Variants in GFM2 observed in about 807,000 individuals in gnomAD.
GFM2 encodes GTP dependent ribosome recycling factor mitochondrial 2, also known as ribosome-releasing factor 2, mitochondrial.
Under a neutral mutation model 95.4 loss-of-function variants are expected in GFM2, and 72 were observed. The ratio of observed to expected loss-of-function variants is 0.76; its 90% CI spans 0.62 to 0.92. The LOEUF is 0.92. Ranked by LOEUF, GFM2 falls within the 40% of genes least tolerant of loss-of-function variation. The pLI is 0.00. For missense variants in GFM2, 825 were observed against 924.1 expected, an observed-to-expected ratio of 0.89 and a Z score of 1.39; for synonymous variants, 276 against 317.5, an observed-to-expected ratio of 0.87 and a Z score of 1.39.
chr5:74,729,725 T>G (rs536602776), intron 17 of GFM2, among the ~76,000 whole-genome samples: 83 of 151,970 alleles, frequency 5.5e-4, no homozygotes, highest in Non-Finnish European at 9.6e-4. Flanking sequence ...TTTCCACACT[T>G]TCTTCTTGGG....
At chr5:74,738,470 A>G in intron 13 of GFM2, 32 bp downstream of exon 13, 2 of 1,610,102 alleles carry the variant, frequency 1.2e-6, no homozygotes, top group Non-Finnish European at 8.5e-7. Flanking sequence ...AAGTGCATAC[A>G]GTTTTATAAA....
Position 74,722,428 on chromosome 5 carries a change from C to T in GFM2, c.2162G>A (p.Arg721His), listed in dbSNP as rs1037962828. 23 of 1,613,800 alleles carry T rather than the reference C, an allele frequency of 1.4e-5. No homozygotes were observed. The highest frequency in any genetic ancestry group is 3.3e-5 in the South Asian group (3 of 91,082). Residue 721 changes from arginine (R) to histidine (H), a missense_variant, in exon 20 of 21, where the codon CGC (arginine) becomes CAC (histidine). By Grantham distance (29) the Arg-to-His change is conservative. Transcript: ENST00000296805. ...TCCAATAACAACTTTGTTGTCCTGG[C>T]GAGTCTGAATTTCCTGAATGTTTCC... The part of the protein sequence containing the change: ...RRGNIQEIQT[R>H]QDNKVVIGFV...
chr5:74,738,341 C>T lies in GFM2; in HGVS notation c.1297G>A (p.Ala433Thr). 2 of 1,613,234 alleles carry T rather than the reference C, an allele frequency of 1.2e-6. No homozygotes were observed. Among genetic ancestry groups the T allele is most frequent in the Non-Finnish European group, 1.7e-6 (2 of 1,179,450 alleles). Residue 433 changes from alanine (A) to threonine (T), a missense_variant, in exon 14 of 21, where the codon GCT (alanine) becomes ACT (threonine). Physicochemically the swap from Ala to Thr is moderately conservative, Grantham distance 58 (BLOSUM62 0). Transcript: ENST00000296805. ...ACATGTTTAAGCCCAACAGTCAAAGCAATGTTACCAGCAGTCAATGAAGGG... is the reference window on the plus strand; with the variant it reads ...ACATGTTTAAGCCCAACAGTCAAAGTAATGTTACCAGCAGTCAATGAAGGG... ...EIPSLTAGNI[A>T]LTVGLKHTAT...
chr5:74,763,558 A>C, intron 2 of GFM2, 122 bp downstream of exon 2: 1 of 524,820 alleles, frequency 1.9e-6, no homozygotes, highest in Non-Finnish European at 3.5e-6. Flanking sequence ...TAGCTTGAAG[A>C]TTTCCAAAGG....
rs1372929457 is a variant in GFM2, at chr5:74,722,623, C to T, written c.2029-62G>A. ...AATAAAAACTTAAAATAAATACAGC[C>T]TAGAGCTCATACAAAAAGACATAAG... On this transcript the variant is annotated intron_variant, in intron 19 of 20. Coordinates refer to ENST00000296805, the MANE Select transcript of GFM2 (RefSeq NM_032380.5). 3.0e-6 allele frequency: 4 copies of T among 1,347,744 alleles called. No homozygotes were observed. The African/African-American group carries it at 4.5e-5, about 15-fold the overall frequency. The allele number at this position is 1,347,744 out of a possible 1,614,324, so 83.5% of individuals were successfully genotyped here. A position where few individuals can be genotyped will look rare whatever the true frequency, so the allele number is the denominator to read the frequency against.
At position 74,721,327 on chromosome 5, in the gene GFM2, A is replaced by ATCTT. The variant is rs1179702769; in HGVS notation, c.*324_*327dup. The ATCTT allele has an allele frequency of 1.0e-5, 8 of 778,792 alleles. No homozygotes were observed. The highest frequency in any genetic ancestry group is 3.4e-5 in the African/African-American group (2 of 58,448). The allele number at this position is 778,792 out of a possible 1,614,324, so 48.2% of individuals were successfully genotyped here. ...ATCTTATTACATTTAGAGGCCTGGC[A>ATCTT]TCTTTCTTGTGAGACAAGCTTAAGG... On this transcript the variant is annotated 3_prime_UTR_variant, in exon 21 of 21. Transcript: ENST00000296805.
chr5:74,765,690 T>A (rs956854594), intron 1 of GFM2, among the ~76,000 whole-genome samples: 1 of 151,894 alleles, frequency 6.6e-6, no homozygotes, highest in African/African-American at 2.4e-5. Flanking sequence ...CCTTAGAAAA[T>A]GGAGCCTTAA....
intron 1 of GFM2, among the ~76,000 whole-genome samples, chr5:74,766,157 T>G (rs1744586101): frequency 6.6e-6 from 1 of 151,656 alleles, no homozygotes; most frequent in Non-Finnish European, 1.5e-5. Context: ...ACTACAAAAA[T>G]CAGCCAGGCT....
intron 11 of GFM2, among the ~76,000 whole-genome samples, chr5:74,740,864 G>A (rs1371359201): frequency 6.6e-6 from 1 of 152,096 alleles, no homozygotes; most frequent in Non-Finnish European, 1.5e-5. Flanking sequence ...ACTACTAAGT[G>A]AATTTGCTAG....
At position 74,721,478 on chromosome 5, in the gene GFM2, A is replaced by T; in HGVS notation, c.*177T>A. On this transcript the variant is annotated 3_prime_UTR_variant, in exon 21 of 21. Transcript: ENST00000296805. ...CATCAAAGCACATTTCTCATTATAT[A>T]AATTAAAACGGGTGGCTCCAGTGCC... 1 of 739,178 alleles carries T rather than the reference A, an allele frequency of 1.4e-6. No homozygotes were observed. The highest frequency in any genetic ancestry group is 2.3e-6 in the Non-Finnish European group (1 of 433,198). 45.8% of individuals were successfully genotyped at this position (739,178 alleles called of 1,614,324 possible).
In GFM2 at chr5:74,750,435, A is replaced by G. The variant is rs573768758; in HGVS notation, c.519+144T>C. Reference sequence around the variant, plus strand: ...TGAGATTACATGTAGATTACATCTCAATATAAATTCTGATTTCCTTTTACC... The same window carrying G: ...TGAGATTACATGTAGATTACATCTCGATATAAATTCTGATTTCCTTTTACC... On this transcript the variant is annotated intron_variant, in intron 7 of 20. Transcript: ENST00000296805. 9.2e-6 allele frequency: 5 copies of G among 544,970 alleles called. No individual in the cohort carries two copies. The Admixed American group carries it at 1.7e-4, about 18-fold the overall frequency. The allele number at this position is 544,970 out of a possible 1,614,324, so 33.8% of individuals were successfully genotyped here.
chr5:74,740,177 C>T, intron 11 of GFM2, 40 bp from the exon 12 acceptor site: 1 of 1,556,268 alleles, frequency 6.4e-7, no homozygotes, highest in Non-Finnish European at 8.7e-7. Flanking sequence ...ATTTTGTGTA[C>T]TGGTCTTGGC....
chr5:74,754,916 G>C (rs1649537305), intron 5 of GFM2, among the ~76,000 whole-genome samples: 1 of 152,070 alleles, frequency 6.6e-6, no homozygotes, highest in South Asian at 2.1e-4. Flanking sequence ...AGGAGTTCAA[G>C]ACCAGCCTGG....
chr5:74,735,158 A>G (rs967273652), intron 15 of GFM2, among the ~76,000 whole-genome samples: 8 of 152,210 alleles, frequency 5.3e-5, no homozygotes, highest in African/African-American at 1.7e-4. Context: ...ATCCTTTTCC[A>G]CTAGAATAAA....
intron 6 of GFM2, 66 bp downstream of exon 6, chr5:74,751,302 A>T (rs1382824730): frequency 3.2e-5 from 48 of 1,516,484 alleles, no homozygotes; most frequent in Admixed American, 2.2e-4. Flanking sequence ...GCAAAACAAA[A>T]ACCCCAGAAA....
At chr5:74,735,835 A>C (rs1742807130) in intron 15 of GFM2, among the ~76,000 whole-genome samples, 2 of 152,200 alleles carry the variant, frequency 1.3e-5, no homozygotes, top group Admixed American at 6.5e-5. Flanking sequence ...AAGCCAGGCA[A>C]GAAGGCTGTG....
At chr5:74,738,865 AT>A (rs1742973956) in intron 12 of GFM2, among the ~76,000 whole-genome samples, 1 of 152,068 alleles carries the variant, frequency 6.6e-6, no homozygotes, top group East Asian at 1.9e-4. Flanking sequence ...TCTCTTCCAA[AT>A]ATTACTTCTA....
Position 74,767,091 on chromosome 5 carries a change from C to A in GFM2, c.-178G>T. ...AAACGAAAAGAAAATAGGCTTTCTC[C>A]GCTCTACCGCCTCGGGCAGCCACAC... On this transcript the variant is annotated 5_prime_UTR_variant, in exon 1 of 21. Coordinates refer to ENST00000296805, the MANE Select transcript of GFM2 (RefSeq NM_032380.5). 2.2e-6 allele frequency: 1 copy of A among 457,730 alleles called. No individual in the cohort carries two copies. The allele number at this position is 457,730 out of a possible 1,614,324, so 28.4% of individuals were successfully genotyped here.
In GFM2 at chr5:74,759,373, C is replaced by T. The variant is rs1218305948; in HGVS notation, c.202G>A (p.Ala68Thr). Residue 68 changes from alanine to threonine, a missense_variant, in exon 4 of 21, where the codon GCT becomes ACT. Coordinates refer to ENST00000296805, the MANE Select transcript of GFM2 (RefSeq NM_032380.5). ...SLHSIINPPI[A>T]KIRNIGIMAH... ...TGATATAATGATAGTACTTACTTAGCTATGGGAGGATTGATGATGGAATGA... is the reference window on the plus strand; with the variant it reads ...TGATATAATGATAGTACTTACTTAGTTATGGGAGGATTGATGATGGAATGA... 1 of 1,518,772 alleles carries T rather than the reference C, an allele frequency of 6.6e-7. No homozygotes were observed. 94.1% of individuals were successfully genotyped at this position (1,518,772 alleles called of 1,614,324 possible).
Sources: allele counts gnomAD v4.1 joint callset (sites outside exome capture counted in the v4.1 genomes callset), GRCh38; gene constraint gnomAD v4.1.1; transcripts MANE v1.5; gene names NCBI Gene and HGNC (gene_info 2026-07-23, HGNC 2026-07-21).